The following VPS41 variants were observed in gnomAD, a reference collection of about 807,000 sequenced individuals.
VPS41 encodes the protein VPS41 subunit of HOPS complex, also known as vacuolar protein sorting-associated protein 41 homolog.
A neutral mutation model predicts 130.9 loss-of-function variants in VPS41; 85 were observed. That is an observed-to-expected ratio of 0.65 (90% CI 0.55 to 0.78). VPS41 has a LOEUF of 0.78. Ranked by LOEUF, VPS41 falls within the 30% of genes least tolerant of loss-of-function variation. The pLI, the probability that VPS41 is intolerant of heterozygous loss-of-function variation, is 0.00. For missense variants in VPS41, 874 were observed against 1,018.7 expected (o/e 0.86, Z 1.93); for synonymous variants, 335 against 332.9 (o/e 1.01, Z -0.07).
chr7:38,814,955 C>A (rs1007708991), intron 7 of VPS41, among the ~76,000 whole-genome samples: 3 of 152,150 alleles, frequency 2.0e-5, no homozygotes, highest in Admixed American at 6.5e-5. Flanking sequence ...CTTCCAGCCC[C>A]GGTCAAGCAG....
chr7:38,761,261 CTCTTT>C (rs1783908922), intron 17 of VPS41, among the ~76,000 whole-genome samples: 2 of 108,598 alleles, frequency 1.8e-5, no homozygotes, highest in Non-Finnish European at 1.8e-5. Context: ...CTCTCTTCCT[CTCTTT>C]TTTTTTTTTT....
At chr7:38,867,663 A>G (rs1458092137) in intron 3 of VPS41, among the ~76,000 whole-genome samples, 1 of 152,220 alleles carries the variant, frequency 6.6e-6, no homozygotes, top group Non-Finnish European at 1.5e-5. Flanking sequence ...ATCTTCTTAC[A>G]TAGAAATGAC....
At chr7:38,810,101 C>A (rs75188045) in intron 7 of VPS41, among the ~76,000 whole-genome samples, 1 of 144,888 alleles carries the variant, frequency 6.9e-6, no homozygotes, top group Admixed American at 6.9e-5. Flanking sequence ...TGTGCTTTCT[C>A]TTTTTTTTTT....
intron 10 of VPS41, among the ~76,000 whole-genome samples, chr7:38,781,066 G>C (rs1023087759): frequency 1.3e-5 from 2 of 152,166 alleles, no homozygotes; most frequent in African/African-American, 4.8e-5. Context: ...AGGACTGTGA[G>C]AATTAAACCT....
At position 38,767,526 on chromosome 7, in the gene VPS41, G is replaced by A. The variant is rs757897970; in HGVS notation, c.1247+11C>T. ...TATATTAACAAATAATTGTGAAAATGTCATCATTACCGTGCTGCTATGTCA... is the reference window on the plus strand; with the variant it reads ...TATATTAACAAATAATTGTGAAAATATCATCATTACCGTGCTGCTATGTCA... On this transcript the variant is annotated intron_variant, in intron 15 of 28. Transcript: ENST00000310301. 6.4e-7 allele frequency: 1 copy of A among 1,570,164 alleles called. No homozygotes were observed. Among genetic ancestry groups the A allele is most frequent in the Admixed American group, 1.7e-5 (1 of 57,350 alleles).
intron 2 of VPS41, among the ~76,000 whole-genome samples, chr7:38,875,190 C>T (rs866740739): frequency 2.2e-4 from 33 of 152,186 alleles, no homozygotes; most frequent in African/African-American, 6.3e-4. Context: ...ATTAACAACA[C>T]GCACAAAAGG....
At position 38,885,849 on chromosome 7, in the gene VPS41, T is replaced by TA. The variant is rs34463750; in HGVS notation, c.60+12241dup. Among the ~76,000 whole-genome samples the TA allele has an allele frequency of 2.6e-5, 4 of 152,128 alleles. No individual in the cohort carries two copies. The South Asian group carries it at 8.3e-4, about 32-fold the overall frequency. On this transcript the variant is annotated intron_variant, in intron 2 of 28. Transcript: ENST00000310301. ...TCTCAGAAAATAAATAGAATTTTTT[T>TA]AAAAAAAGGAAAATTTTAGAACTAG... is the stretch of plus-strand genomic sequence containing the variant.
At chr7:38,786,873 ATGGTAACAGG>A (rs1264685271) in intron 10 of VPS41, among the ~76,000 whole-genome samples, 2 of 152,182 alleles carry the variant, frequency 1.3e-5, no homozygotes, top group African/African-American at 4.8e-5. Flanking sequence ...CTGAATCAAA[ATGGTAACAGG>A]TGGATAAAGA....
At chr7:38,877,850 G>C (rs980793776) in intron 2 of VPS41, among the ~76,000 whole-genome samples, 4 of 152,168 alleles carry the variant, frequency 2.6e-5, no homozygotes, top group Non-Finnish European at 4.4e-5. Context: ...AAGGTATTCA[G>C]ATGATTTCTA....
chr7:38,877,244 C>T (rs1481276058), intron 2 of VPS41, among the ~76,000 whole-genome samples: 1 of 152,062 alleles, frequency 6.6e-6, no homozygotes, highest in African/African-American at 2.4e-5. Flanking sequence ...ATTTAGATTT[C>T]CACACAGGAA....
intron 4 of VPS41, among the ~76,000 whole-genome samples, chr7:38,849,723 G>A (rs1014132318): frequency 1.3e-5 from 2 of 152,158 alleles, no homozygotes; most frequent in African/African-American, 2.4e-5. Flanking sequence ...CCAGCTGCTT[G>A]TGTCTCTGCC....
At chr7:38,830,970 A>G (rs1049634503) in intron 4 of VPS41, among the ~76,000 whole-genome samples, 15 of 152,214 alleles carry the variant, frequency 9.9e-5, no homozygotes, top group African/African-American at 3.6e-4. Context: ...GGAGGAGTGA[A>G]GAATACTGCA....
At chr7:38,772,448 T>C in intron 13 of VPS41, 74 bp downstream of exon 13, 1 of 1,048,162 alleles carries the variant, frequency 9.5e-7, no homozygotes, top group Non-Finnish European at 1.4e-6. Context: ...AAAGATTTAT[T>C]ACAAAAACAT....
At chr7:38,839,481 G>A (rs1785563498) in intron 4 of VPS41, among the ~76,000 whole-genome samples, 1 of 152,126 alleles carries the variant, frequency 6.6e-6, no homozygotes, top group African/African-American at 2.4e-5. Flanking sequence ...GGAGTGCAGT[G>A]GTGTGATCTC....
Position 38,743,561 on chromosome 7 carries a change from G to A in VPS41, c.1982-19C>T. On this transcript the variant is annotated intron_variant, in intron 23 of 28. Coordinates refer to ENST00000310301, the MANE Select transcript of VPS41 (RefSeq NM_014396.4). ...ATTCGGCCTTGGTGGGGTGAAGATG[G>A]GAGAAAGAGTTCATTTAAGGTATTT... The A allele has an allele frequency of 6.2e-7, 1 of 1,608,160 alleles. No homozygotes were observed. The highest frequency in any genetic ancestry group is 8.5e-7 in the Non-Finnish European group (1 of 1,176,880).
intron 22 of VPS41, among the ~76,000 whole-genome samples, chr7:38,747,226 G>A (rs926297444): frequency 6.6e-6 from 1 of 152,092 alleles, no homozygotes; most frequent in African/African-American, 2.4e-5. Flanking sequence ...AAAAACATAA[G>A]TAAGAAGTTA....
intron 28 of VPS41, 35 bp downstream of exon 28, chr7:38,726,874 C>A: frequency 6.8e-7 from 1 of 1,468,938 alleles, no homozygotes. Context: ...GTGTTAATTT[C>A]CCTCTAGTTG....
intron 9 of VPS41, among the ~76,000 whole-genome samples, chr7:38,791,072 C>T (rs1784526795): frequency 6.6e-6 from 1 of 152,194 alleles, no homozygotes; most frequent in African/African-American, 2.4e-5. Flanking sequence ...GGGCTTGAAC[C>T]CATGGCTGCA....
chr7:38,886,701 G>A (rs746569107), intron 2 of VPS41, among the ~76,000 whole-genome samples: 4 of 152,168 alleles, frequency 2.6e-5, no homozygotes, highest in Non-Finnish European at 5.9e-5. Flanking sequence ...CTCCAATAAC[G>A]GACAGACTGC....
Sources: gnomAD v4.1 joint callset for allele counts (sites outside exome capture counted in the v4.1 genomes callset) on GRCh38, gnomAD v4.1.1 for gene constraint, MANE v1.5 for transcripts, NCBI Gene and HGNC (gene_info 2026-07-23, HGNC 2026-07-21) for gene names.